PTPRT: variants seen among roughly 807,000 people sequenced by gnomAD.
The protein encoded by PTPRT is protein tyrosine phosphatase receptor type T.
PTPRT carries 56 observed loss-of-function variants against 176.8 expected under a neutral mutation model. That is an observed-to-expected ratio of 0.32 (90% CI 0.26 to 0.40). The LOEUF (loss-of-function observed/expected upper bound fraction) is 0.40, where lower values mean the gene tolerates loss of function less well. Ranked by LOEUF, PTPRT falls within the 10% of genes least tolerant of loss-of-function variation. The pLI, the probability that PTPRT is intolerant of heterozygous loss-of-function variation, is 1.00. For synonymous variants in PTPRT, 783 were observed against 739.0 expected, an observed-to-expected ratio of 1.06 and a Z score of -0.96; for missense variants, 1,540 against 1,908.2, an observed-to-expected ratio of 0.81 and a Z score of 3.60.
intron 1 of PTPRT, among the ~76,000 whole-genome samples, chr20:43,130,083 A>G (rs1410371890): frequency 6.6e-6 from 1 of 152,238 alleles, no homozygotes; most frequent in Non-Finnish European, 1.5e-5. Flanking sequence ...GAAAAAAAGA[A>G]AAGAATGTTG....
intron 13 of PTPRT, among the ~76,000 whole-genome samples, chr20:42,258,377 GTTCCCTCATCC>G (rs2146953776): frequency 6.6e-6 from 1 of 152,248 alleles, no homozygotes; most frequent in Non-Finnish European, 1.5e-5. Context: ...TTTAACTTAA[GTTCCCTCATCC>G]TTTTCACTTT....
intron 11 of PTPRT, among the ~76,000 whole-genome samples, chr20:42,341,798 G>T (rs998280496): frequency 6.6e-5 from 10 of 152,054 alleles, no homozygotes; most frequent in South Asian, 6.2e-4. Context: ...AACAGTCCCT[G>T]TCTCCATCTC....
At chr20:42,821,381 T>C (rs1003664721) in intron 2 of PTPRT, among the ~76,000 whole-genome samples, 3 of 152,198 alleles carry the variant, frequency 2.0e-5, no homozygotes, top group African/African-American at 7.2e-5. Flanking sequence ...TTAAAAACTC[T>C]CAATAACCTT....
intron 9 of PTPRT, among the ~76,000 whole-genome samples, chr20:42,369,397 C>A (rs1268134074): frequency 6.6e-6 from 1 of 152,210 alleles, no homozygotes; most frequent in Non-Finnish European, 1.5e-5. Context: ...GTCTCCAAAT[C>A]TGGGTGCATC....
In PTPRT at chr20:42,634,098, TA is replaced by T. The variant is rs2145907160; in HGVS notation, c.1153+43767del. On this transcript the variant is annotated intron_variant, in intron 7 of 30. Coordinates refer to ENST00000373187, the MANE Select transcript of PTPRT (RefSeq NM_007050.6). The stretch of plus-strand genomic sequence containing the variant: ...ATAATATATATATAATATAATAATA[TA>T]TATATTATAATAATATAATATATTA... 8.4e-5 allele frequency among the ~76,000 whole-genome samples: 4 copies of T among 47,768 alleles called. No homozygotes were observed. The East Asian group carries it at 1.7e-3, about 21-fold the overall frequency. 31.3% of individuals were successfully genotyped at this position (47,768 alleles called of 152,430 possible). A position where few individuals can be genotyped will look rare whatever the true frequency, so the allele number is the denominator to read the frequency against.
At chr20:43,177,101 C>T (rs916345476) in intron 1 of PTPRT, among the ~76,000 whole-genome samples, 1 of 152,194 alleles carries the variant, frequency 6.6e-6, no homozygotes, top group Non-Finnish European at 1.5e-5. Context: ...TGCAATGACG[C>T]CATTGGTGTC....
chr20:42,509,951 G>A (rs1281951701), intron 7 of PTPRT, among the ~76,000 whole-genome samples: 2 of 152,114 alleles, frequency 1.3e-5, no homozygotes, highest in East Asian at 3.9e-4. Context: ...AACCTGGGCT[G>A]TGAAGTCAGA....
At position 42,350,229 on chromosome 20, in the gene PTPRT, T is replaced by TGTTTTTTTG. The variant is rs760600952; in HGVS notation, c.1865+398_1865+399insCAAAAAAAC. Among the ~76,000 whole-genome samples, 4 of 96,112 alleles carry TGTTTTTTTG rather than the reference T, an allele frequency of 4.2e-5. 1 individual carries two copies. The highest frequency in any genetic ancestry group is 3.9e-4 in the South Asian group (1 of 2,540). 63.1% of individuals were successfully genotyped at this position (96,112 alleles called of 152,430 possible). On this transcript the variant is annotated intron_variant, in intron 11 of 30. Transcript: ENST00000373187. ...GATGTTTCTTGTTTTTTTTTTTTTTTTTTTTTTTTTTTTTTTTGAGACAGG... is the reference window on the plus strand; with the variant it reads ...GATGTTTCTTGTTTTTTTTTTTTTTTGTTTTTTTGTTTTTTTTTTTTTTTTTGAGACAGG...
At chr20:42,632,473 T>C (rs2074431977) in intron 7 of PTPRT, among the ~76,000 whole-genome samples, 1 of 152,018 alleles carries the variant, frequency 6.6e-6, no homozygotes, top group Admixed American at 6.6e-5. Flanking sequence ...TCCACTCACC[T>C]CGACCTCCCA....
At chr20:42,272,029 T>C (rs1480319064) in intron 13 of PTPRT, among the ~76,000 whole-genome samples, 2 of 152,216 alleles carry the variant, frequency 1.3e-5, no homozygotes, top group African/African-American at 4.8e-5. Flanking sequence ...AAAAGCACAA[T>C]CTAAGTCAGG....
intron 16 of PTPRT, among the ~76,000 whole-genome samples, chr20:42,175,022 G>T (rs962057009): frequency 3.9e-5 from 6 of 152,036 alleles, no homozygotes; most frequent in Admixed American, 2.6e-4. Context: ...CCTCAAATCT[G>T]CTGCCCCTCT....
chr20:42,609,279 G>A (rs963608727), intron 7 of PTPRT, among the ~76,000 whole-genome samples: 6 of 151,946 alleles, frequency 3.9e-5, no homozygotes, highest in Admixed American at 3.9e-4. Flanking sequence ...TCACTATGTG[G>A]GCCAGGCTGG....
At chr20:42,718,386 A>C (rs1403038679) in intron 6 of PTPRT, among the ~76,000 whole-genome samples, 1 of 152,004 alleles carries the variant, frequency 6.6e-6, no homozygotes, top group Non-Finnish European at 1.5e-5. Flanking sequence ...AAATACAAAA[A>C]ATCAGCCGGG....
chr20:42,768,758 C>T (rs935948707), intron 5 of PTPRT, among the ~76,000 whole-genome samples: 2 of 152,106 alleles, frequency 1.3e-5, no homozygotes, highest in South Asian at 2.1e-4. Flanking sequence ...ACCTGGAAGA[C>T]GTTTTGTGAA....
chr20:42,287,230 A>T (rs904949859), intron 12 of PTPRT, among the ~76,000 whole-genome samples: 3 of 151,906 alleles, frequency 2.0e-5, no homozygotes, highest in Non-Finnish European at 4.4e-5. Flanking sequence ...CAATCTTACT[A>T]CTGGGCATTT....
At chr20:42,337,649 T>G (rs1176691626) in intron 11 of PTPRT, among the ~76,000 whole-genome samples, 3 of 152,156 alleles carry the variant, frequency 2.0e-5, no homozygotes, top group Non-Finnish European at 2.9e-5. Context: ...AAACACAGAT[T>G]GCTGGGCTTT....
At chr20:42,753,865 T>C (rs191201270) in intron 6 of PTPRT, among the ~76,000 whole-genome samples, 72 of 152,286 alleles carry the variant, frequency 4.7e-4, no homozygotes, top group African/African-American at 1.5e-3. Context: ...TATAAGCAAA[T>C]AATAAACCAA....
At chr20:42,357,996 G>T (rs1194130629) in intron 9 of PTPRT, among the ~76,000 whole-genome samples, 2 of 151,986 alleles carry the variant, frequency 1.3e-5, no homozygotes, top group Non-Finnish European at 2.9e-5. Flanking sequence ...AATGGTCACA[G>T]GTTGAGGAAC....
intron 5 of PTPRT, among the ~76,000 whole-genome samples, chr20:42,757,586 A>G (rs189858578): frequency 1.0e-3 from 159 of 152,320 alleles, no homozygotes; most frequent in African/African-American, 3.7e-3. Context: ...CAACTGTCAC[A>G]CCATCTCTGG....
Sources: gnomAD v4.1 joint callset for allele counts (sites outside exome capture counted in the v4.1 genomes callset) on GRCh38, gnomAD v4.1.1 for gene constraint, MANE v1.5 for transcripts, NCBI Gene and HGNC (gene_info 2026-07-23, HGNC 2026-07-21) for gene names.